Variants in DAB1 observed in about 807,000 individuals in gnomAD.
DAB1 encodes the protein disabled homolog 1.
A neutral mutation model predicts 64.6 loss-of-function variants in DAB1; 15 were observed. That is an observed-to-expected ratio of 0.23 (90% CI 0.16 to 0.36). The LOEUF is 0.36. Among genes scored for constraint, DAB1 ranks in the 10% least tolerant of loss-of-function variants. DAB1 has a pLI of 1.00. For synonymous variants in DAB1, 235 were observed against 251.9 expected (o/e 0.93, Z 0.64); for missense variants, 596 against 706.7 (o/e 0.84, Z 1.78).
At chr1:58,055,422 T>C (rs1647990525) in intron 5 of DAB1, among the ~76,000 whole-genome samples, 1 of 152,180 alleles carries the variant, frequency 6.6e-6, no homozygotes, top group Non-Finnish European at 1.5e-5. Flanking sequence ...TTCTACTCTA[T>C]TTCCATTTGC....
At chr1:58,202,273 T>C (rs1658038001) in intron 4 of DAB1, among the ~76,000 whole-genome samples, 1 of 152,236 alleles carries the variant, frequency 6.6e-6, no homozygotes, top group Non-Finnish European at 1.5e-5. Flanking sequence ...CCATATATTA[T>C]GATCAGTTGT....
At chr1:57,385,211 G>A (rs1681714405) in intron 1 of DAB1, among the ~76,000 whole-genome samples, 1 of 152,182 alleles carries the variant, frequency 6.6e-6, no homozygotes, top group East Asian at 1.9e-4. Context: ...GCCAATCAGT[G>A]CAAATAAAAT....
At chr1:57,356,345 A>G (rs1399551599) in intron 1 of DAB1, among the ~76,000 whole-genome samples, 2 of 152,130 alleles carry the variant, frequency 1.3e-5, no homozygotes, top group Non-Finnish European at 2.9e-5. Context: ...CAGGTAAAAT[A>G]CCTACTATAA....
At chr1:58,034,442 C>T (rs1463144096) in intron 5 of DAB1, among the ~76,000 whole-genome samples, 1 of 152,194 alleles carries the variant, frequency 6.6e-6, no homozygotes, top group Non-Finnish European at 1.5e-5. Flanking sequence ...ACTCCAGATT[C>T]CTGACTTACA....
At chr1:58,263,661 CA>C (rs1243498249) in intron 4 of DAB1, among the ~76,000 whole-genome samples, 1 of 152,166 alleles carries the variant, frequency 6.6e-6, no homozygotes, top group Non-Finnish European at 1.5e-5. Flanking sequence ...TAGTACCTGG[CA>C]ACATAGTGGA....
chr1:58,238,770 A>G (rs1036917148), intron 4 of DAB1, among the ~76,000 whole-genome samples: 1 of 152,128 alleles, frequency 6.6e-6, no homozygotes, highest in South Asian at 2.1e-4. Flanking sequence ...GCAAATTTGT[A>G]TGGCTATAGC....
At chr1:57,558,379 C>T (rs949606695) in intron 7 of DAB1, among the ~76,000 whole-genome samples, 1 of 152,144 alleles carries the variant, frequency 6.6e-6, no homozygotes, top group African/African-American at 2.4e-5. Flanking sequence ...TGTTTGCTTC[C>T]AGACCTATAA....
At chr1:57,987,117 A>G (rs1646237981) in intron 5 of DAB1, among the ~76,000 whole-genome samples, 1 of 152,130 alleles carries the variant, frequency 6.6e-6, no homozygotes, top group Non-Finnish European at 1.5e-5. Context: ...TTTAAAATAG[A>G]ACTAAAACCT....
chr1:57,075,653 T>G lies in DAB1; in HGVS notation c.307-3239A>C, dbSNP rs182522018. On this transcript the variant is annotated intron_variant, in intron 4 of 14. Transcript: ENST00000371236. ...CACTGAGCCTCAAGATTGCCCCATG[T>G]CTTCAAGTAGAATTTATCAGCACAA... is the stretch of plus-strand genomic sequence containing the variant. Among the ~76,000 whole-genome samples, 7 of 152,362 alleles carry G rather than the reference T, an allele frequency of 4.6e-5. No homozygotes were observed. The East Asian group carries it at 1.4e-3, about 29-fold the overall frequency.
chr1:58,065,994 C>T (rs1373117324), intron 5 of DAB1, among the ~76,000 whole-genome samples: 1 of 152,244 alleles, frequency 6.6e-6, no homozygotes, highest in East Asian at 1.9e-4. Context: ...CCACTGCACT[C>T]TCAGAGGCTG....
intron 6 of DAB1, among the ~76,000 whole-genome samples, chr1:57,710,234 C>A (rs1281840618): frequency 6.6e-6 from 1 of 152,094 alleles, no homozygotes; most frequent in African/African-American, 2.4e-5. Flanking sequence ...TGTGGACATC[C>A]TGTGAAGCCT....
At chr1:57,717,272 A>T (rs6587792) in intron 6 of DAB1, among the ~76,000 whole-genome samples, 42,640 of 151,722 alleles carry the variant, frequency 0.28, 6,452 homozygotes, top group East Asian at 0.45. Context: ...AAAATAAAAA[A>T]AAAAGAAAGA....
chr1:57,872,117 T>C (rs1360355181), intron 1 of DAB1, among the ~76,000 whole-genome samples: 2 of 152,198 alleles, frequency 1.3e-5, no homozygotes, highest in Non-Finnish European at 2.9e-5. Flanking sequence ...CAGATGTAGA[T>C]GGCAATCAAA....
At chr1:57,944,818 T>C (rs1484560226) in intron 5 of DAB1, among the ~76,000 whole-genome samples, 1 of 152,134 alleles carries the variant, frequency 6.6e-6, no homozygotes, top group Non-Finnish European at 1.5e-5. Context: ...GAACACCTCA[T>C]TCATGTGATC....
chr1:57,800,454 T>G (rs1462142300), intron 6 of DAB1, among the ~76,000 whole-genome samples: 1 of 152,198 alleles, frequency 6.6e-6, no homozygotes, highest in Non-Finnish European at 1.5e-5. Context: ...ACATGAACTC[T>G]TCAATGTTAA....
In DAB1 at chr1:57,035,714, G is replaced by C. The variant is rs927141642; in HGVS notation, c.724-9671C>G. The stretch of plus-strand genomic sequence containing the variant: ...GACATCATGGCAAGTTTATTGAGCA[G>C]TTTAATTGAGATGTGTGTGCAAAGT... On this transcript the variant is annotated intron_variant, in intron 9 of 14. Coordinates refer to ENST00000371236, the MANE Select transcript of DAB1 (RefSeq NM_001365792.1). Among the ~76,000 whole-genome samples the C allele has an allele frequency of 5.9e-5, 9 of 151,542 alleles. 1 individual carries two copies. The highest frequency in any genetic ancestry group is 5.9e-4 in the Admixed American group (9 of 15,200).
intron 2 of DAB1, among the ~76,000 whole-genome samples, chr1:57,246,174 A>G (rs978133223): frequency 6.6e-6 from 1 of 152,204 alleles, no homozygotes; most frequent in African/African-American, 2.4e-5. Flanking sequence ...TCTCCAGGGT[A>G]TTTCAGAGAT....
intron 5 of DAB1, among the ~76,000 whole-genome samples, chr1:58,056,958 C>G (rs966983083): frequency 1.3e-5 from 2 of 151,634 alleles, no homozygotes; most frequent in African/African-American, 4.8e-5. Flanking sequence ...TGCTGTAACT[C>G]GTATGTTTTC....
intron 1 of DAB1, among the ~76,000 whole-genome samples, chr1:57,362,777 C>A (rs2100903321): frequency 6.6e-6 from 1 of 152,144 alleles, no homozygotes; most frequent in East Asian, 1.9e-4. Flanking sequence ...GTCATAGCAG[C>A]CCCAATAGAT....
Sources: allele counts gnomAD v4.1 joint callset (sites outside exome capture counted in the v4.1 genomes callset), GRCh38; gene constraint gnomAD v4.1.1; transcripts MANE v1.5; gene names NCBI Gene and HGNC (gene_info 2026-07-23, HGNC 2026-07-21).